The following PEX5L variants were observed in gnomAD, a reference collection of about 807,000 sequenced individuals.
The protein encoded by PEX5L is PEX5-related protein.
A neutral mutation model predicts 84.0 loss-of-function variants in PEX5L; 30 were observed. The ratio of observed to expected loss-of-function variants is 0.36; its 90% CI spans 0.27 to 0.48. PEX5L has a LOEUF of 0.48. Ranked by LOEUF, PEX5L falls within the 20% of genes least tolerant of loss-of-function variation. PEX5L has a pLI of 0.99. For missense variants in PEX5L, 533 were observed against 754.6 expected (o/e 0.71, Z 3.44); for synonymous variants, 270 against 283.1 (o/e 0.95, Z 0.46).
chr3:180,013,161 CA>C (rs1298350451), intron 1 of PEX5L, among the ~76,000 whole-genome samples: 1 of 152,122 alleles, frequency 6.6e-6, no homozygotes, highest in Non-Finnish European at 1.5e-5. Flanking sequence ...TTATTTTATA[CA>C]AGTACAAAAC....
At chr3:179,812,192 C>A (rs572534588) in intron 10 of PEX5L, among the ~76,000 whole-genome samples, 6 of 151,848 alleles carry the variant, frequency 4.0e-5, no homozygotes, top group Admixed American at 2.0e-4. Flanking sequence ...TAAAATTATA[C>A]GATTGTGAGG....
intron 2 of PEX5L, among the ~76,000 whole-genome samples, chr3:179,947,336 A>G (rs1459554858): frequency 1.3e-5 from 2 of 152,238 alleles, no homozygotes; most frequent in East Asian, 3.9e-4. Context: ...ATATTACACA[A>G]TAATTATCGT....
intron 1 of PEX5L, among the ~76,000 whole-genome samples, chr3:179,987,662 C>T (rs1380623297): frequency 1.3e-5 from 2 of 152,108 alleles, no homozygotes; most frequent in Non-Finnish European, 2.9e-5. Context: ...TCCTCCTACC[C>T]CCAACCTTAC....
At chr3:179,965,756 C>T (rs1159908772) in intron 2 of PEX5L, among the ~76,000 whole-genome samples, 1 of 152,104 alleles carries the variant, frequency 6.6e-6, no homozygotes, top group Non-Finnish European at 1.5e-5. Context: ...CGTGAGTTTA[C>T]AAGGAAAATA....
rs139166151 is a variant in PEX5L at position 179,989,122 on chromosome 3, C to T, written c.22-17457G>A. On this transcript the variant is annotated intron_variant, in intron 1 of 14. Transcript: ENST00000467460. ...ATCCGTGGTAGGGATAATTCTGAGGCCATGGAACAGAGCTAAGTTGTCTGG... is the reference window on the plus strand; with the variant it reads ...ATCCGTGGTAGGGATAATTCTGAGGTCATGGAACAGAGCTAAGTTGTCTGG... Among the ~76,000 whole-genome samples, 701 of 152,230 alleles carry T rather than the reference C, an allele frequency of 4.6e-3. 4 individuals are homozygous for T. Among genetic ancestry groups the T allele is most frequent in the African/African-American group, 0.016 (672 of 41,532 alleles).
intron 8 of PEX5L, among the ~76,000 whole-genome samples, chr3:179,824,851 C>A (rs1031660670): frequency 2.0e-4 from 31 of 152,318 alleles, no homozygotes; most frequent in African/African-American, 7.2e-4. Context: ...GGCTTCACTG[C>A]CCTGGGGTCC....
chr3:179,926,704 G>C (rs527920125), intron 2 of PEX5L, among the ~76,000 whole-genome samples: 1 of 152,262 alleles, frequency 6.6e-6, no homozygotes, highest in African/African-American at 2.4e-5. Flanking sequence ...GGAAACCCTG[G>C]GCTTTCTCCA....
intron 8 of PEX5L, among the ~76,000 whole-genome samples, chr3:179,853,510 C>T (rs1742732678): frequency 6.6e-6 from 1 of 152,192 alleles, no homozygotes. Context: ...TTGGGCCTCA[C>T]TGAGCTCTGG....
chr3:179,823,891 A>G (rs370521655), intron 8 of PEX5L, among the ~76,000 whole-genome samples: 3 of 152,154 alleles, frequency 2.0e-5, no homozygotes, highest in African/African-American at 7.2e-5. Context: ...ATCTTAGCAC[A>G]GAATCACATT....
At chr3:179,987,170 A>G (rs1391477655) in intron 1 of PEX5L, among the ~76,000 whole-genome samples, 1 of 152,154 alleles carries the variant, frequency 6.6e-6, no homozygotes, top group Non-Finnish European at 1.5e-5. Context: ...GCTGCTTAGA[A>G]CACTGCTTGA....
In PEX5L at chr3:179,808,500, T is replaced by C; in HGVS notation, c.1353-63A>G. 3 of 1,195,410 alleles carry C rather than the reference T, an allele frequency of 2.5e-6. No individual in the cohort carries two copies. The South Asian group carries it at 6.7e-5, about 27-fold the overall frequency. 74.1% of individuals were successfully genotyped at this position (1,195,410 alleles called of 1,614,324 possible). ...TAGTCAGAACATAAATGATTTACTGTTAAATCCCTTGACTGTATTTCAAGA... is the reference window on the plus strand; with the variant it reads ...TAGTCAGAACATAAATGATTTACTGCTAAATCCCTTGACTGTATTTCAAGA... On this transcript the variant is annotated intron_variant, in intron 12 of 14. Transcript: ENST00000467460.
At chr3:179,949,184 A>G (rs1778410361) in intron 2 of PEX5L, among the ~76,000 whole-genome samples, 1 of 152,204 alleles carries the variant, frequency 6.6e-6, no homozygotes. Flanking sequence ...AGGATTAATA[A>G]ATGGTAAAGT....
chr3:179,996,597 A>AG (rs1787910333), intron 1 of PEX5L, among the ~76,000 whole-genome samples: 1 of 152,194 alleles, frequency 6.6e-6, no homozygotes, highest in Non-Finnish European at 1.5e-5. Context: ...AGGGTCCAGA[A>AG]GATACACCCT....
intron 2 of PEX5L, among the ~76,000 whole-genome samples, chr3:179,947,267 A>C (rs1777810620): frequency 6.6e-6 from 1 of 152,124 alleles, no homozygotes; most frequent in African/African-American, 2.4e-5. Context: ...AAAGATAGAA[A>C]GCATAATGAT....
intron 8 of PEX5L, among the ~76,000 whole-genome samples, chr3:179,848,187 C>T (rs1475120690): frequency 6.6e-6 from 1 of 152,010 alleles, no homozygotes. Flanking sequence ...TTATACAGTG[C>T]AGCACTGCTA....
intron 4 of PEX5L, among the ~76,000 whole-genome samples, chr3:179,887,362 GAA>G (rs2108849691): frequency 6.6e-6 from 1 of 152,290 alleles, no homozygotes; most frequent in South Asian, 2.1e-4. Context: ...ACCTTACTCT[GAA>G]AGAGATGTTT....
chr3:179,943,785 C>T (rs943755151), intron 2 of PEX5L, among the ~76,000 whole-genome samples: 1 of 152,198 alleles, frequency 6.6e-6, no homozygotes, highest in African/African-American at 2.4e-5. Context: ...TCTTGAAGGA[C>T]TCAGTAACAA....
At chr3:179,900,539 C>T (rs1760942268) in intron 2 of PEX5L, 1 of 647,720 alleles carries the variant, frequency 1.5e-6, no homozygotes, top group African/African-American at 1.8e-5. Context: ...TGCCATTTCA[C>T]TAAAACAAAA....
At chr3:179,977,329 C>T (rs755836600) in intron 1 of PEX5L, among the ~76,000 whole-genome samples, 3 of 152,160 alleles carry the variant, frequency 2.0e-5, no homozygotes, top group Non-Finnish European at 4.4e-5. Flanking sequence ...TGTTTAAACG[C>T]TCGTAGAGAT....
Sources: gnomAD v4.1 joint callset for allele counts (sites outside exome capture counted in the v4.1 genomes callset) on GRCh38, gnomAD v4.1.1 for gene constraint, MANE v1.5 for transcripts, NCBI Gene and HGNC (gene_info 2026-07-23, HGNC 2026-07-21) for gene names.